Variants in PCDHGA5 observed in about 807,000 individuals in gnomAD.
PCDHGA5 encodes the protein protocadherin gamma-A5.
PCDHGA5 carries 36 observed loss-of-function variants against 56.7 expected under a neutral mutation model. That is an observed-to-expected ratio of 0.64 (90% CI 0.49 to 0.84). The LOEUF (loss-of-function observed/expected upper bound fraction) is 0.84. Ranked by LOEUF, PCDHGA5 falls within the 40% of genes least tolerant of loss-of-function variation. The pLI, the probability that PCDHGA5 is intolerant of heterozygous loss-of-function variation, is 0.00. For missense variants in PCDHGA5, 1,305 were observed against 1,201.5 expected (o/e 1.09, Z -1.27); for synonymous variants, 563 against 520.2 (o/e 1.08, Z -1.12).
chr5:141,476,699 G>C lies in PCDHGA5; in HGVS notation c.2422-18108G>C. 1 of 1,614,222 alleles carries C rather than the reference G, an allele frequency of 6.2e-7. No individual in the cohort carries two copies. The highest frequency in any genetic ancestry group is 8.5e-7 in the Non-Finnish European group (1 of 1,180,042). ...GCGGGAGGACAGCACCAAGTACGCG[G>C]AGCTGGTGTTGGAGCGCGCCCTGGA... is the stretch of plus-strand genomic sequence containing the variant. On this transcript the variant is annotated intron_variant, in intron 1 of 3. Transcript: ENST00000518069. The surrounding 1 kb of genome is among the most constrained non-coding windows in gnomAD (Gnocchi z 7.6).
intron 1 of PCDHGA5, among the ~76,000 whole-genome samples, chr5:141,463,024 A>G (rs2099051235): frequency 6.6e-6 from 1 of 152,070 alleles, no homozygotes; most frequent in South Asian, 2.1e-4. Context: ...GACTTTTTTG[A>G]TTAATCTGAG....
At chr5:141,456,044 C>T (rs1307913066) in intron 1 of PCDHGA5, among the ~76,000 whole-genome samples, 2 of 151,826 alleles carry the variant, frequency 1.3e-5, no homozygotes, top group African/African-American at 2.4e-5. Context: ...ACTACAGGCG[C>T]CCACCACCAC....
At chr5:141,371,163 G>T (rs79773129) in intron 1 of PCDHGA5, 6 of 1,613,984 alleles carry the variant, frequency 3.7e-6, no homozygotes, top group Non-Finnish European at 5.1e-6. Flanking sequence ...GAACCTGCCC[G>T]CTGGCTCCTC....
At chr5:141,408,378 TG>T (rs780092463) in intron 1 of PCDHGA5, 2 of 1,614,002 alleles carry the variant, frequency 1.2e-6, no homozygotes, top group Admixed American at 1.7e-5. Flanking sequence ...CTCAGTGTCC[TG>T]GATGTGTCGG....
Position 141,489,714 on chromosome 5 carries a change from G to C in PCDHGA5, c.2422-5093G>C, listed in dbSNP as rs770143357. On this transcript the variant is annotated intron_variant, in intron 1 of 3. Coordinates refer to ENST00000518069, the MANE Select transcript of PCDHGA5 (RefSeq NM_018918.3). The surrounding 1 kb of genome is among the most constrained non-coding windows in gnomAD (Gnocchi z 4.5). Reference sequence around the variant, plus strand: ...CACGATTCCCACTGGACAGTGCCCAGGATCCGGATGTGGGCACCAATACTG... The same window carrying C: ...CACGATTCCCACTGGACAGTGCCCACGATCCGGATGTGGGCACCAATACTG... 7.4e-6 allele frequency: 12 copies of C among 1,613,958 alleles called. No individual in the cohort carries two copies. The highest frequency in any genetic ancestry group is 1.0e-5 in the Non-Finnish European group (12 of 1,179,930).
At chr5:141,390,353 T>C (rs2092125983) in intron 1 of PCDHGA5, 3 of 1,554,516 alleles carry the variant, frequency 1.9e-6, no homozygotes, top group African/African-American at 2.8e-5. Flanking sequence ...AAAATATACA[T>C]ATTTGCAGGA....
intron 1 of PCDHGA5, among the ~76,000 whole-genome samples, chr5:141,467,075 C>A (rs2099136382): frequency 6.9e-6 from 1 of 145,470 alleles, no homozygotes; most frequent in Non-Finnish European, 1.5e-5. Flanking sequence ...TTTTTTTAGA[C>A]CAAGTCTCAC....
intron 1 of PCDHGA5, among the ~76,000 whole-genome samples, chr5:141,437,457 T>C (rs527469937): frequency 7.2e-5 from 11 of 152,358 alleles, no homozygotes; most frequent in Non-Finnish European, 1.5e-4. Flanking sequence ...GAGGAGACTA[T>C]ACTATACTTT....
intron 1 of PCDHGA5, chr5:141,417,918 T>C (rs1371704441): frequency 1.2e-6 from 2 of 1,605,528 alleles, no homozygotes; most frequent in Non-Finnish European, 8.5e-7. Context: ...CTATTTCCTT[T>C]GCTGCTGCCT....
At position 141,409,100 on chromosome 5, in the gene PCDHGA5, A is replaced by G. The variant is rs1341878280; in HGVS notation, c.2421+42349A>G. ...GTTCTCATTGGATGAGAAAACAGGT[A>G]TGATTAAGAATAACCAGTCATTTGA... is the stretch of plus-strand genomic sequence containing the variant. On this transcript the variant is annotated intron_variant, in intron 1 of 3. Transcript: ENST00000518069. The G allele has an allele frequency of 6.8e-6, 11 of 1,613,934 alleles. No homozygotes were observed. In the Admixed American group the frequency reaches 1.0e-4, roughly 15 times the overall value.
chr5:141,414,357 A>G, intron 1 of PCDHGA5: 3 of 1,613,888 alleles, frequency 1.9e-6, no homozygotes, highest in Non-Finnish European at 2.5e-6. Flanking sequence ...TGGCGTATCT[A>G]CCATTTAAAT....
chr5:141,472,750 C>T (rs967243815), intron 1 of PCDHGA5, among the ~76,000 whole-genome samples: 3 of 151,882 alleles, frequency 2.0e-5, no homozygotes, highest in Non-Finnish European at 2.9e-5. Context: ...CTTTGGGAGG[C>T]GGAGGCTGGC....
At chr5:141,452,887 C>T (rs1000136303) in intron 1 of PCDHGA5, among the ~76,000 whole-genome samples, 1 of 152,174 alleles carries the variant, frequency 6.6e-6, no homozygotes, top group Non-Finnish European at 1.5e-5. Flanking sequence ...ATAATTTATT[C>T]CACTTTTATT....
Position 141,432,072 on chromosome 5 carries a change from T to C in PCDHGA5, c.2422-62735T>C, listed in dbSNP as rs1236871982. The C allele has an allele frequency of 6.2e-7, 1 of 1,614,178 alleles. No homozygotes were observed. The highest frequency in any genetic ancestry group is 8.5e-7 in the Non-Finnish European group (1 of 1,180,032). On this transcript the variant is annotated intron_variant, in intron 1 of 3. Coordinates refer to ENST00000518069, the MANE Select transcript of PCDHGA5 (RefSeq NM_018918.3). This position sits in a 1 kb window ranked among gnomAD's most constrained non-coding sequence, Gnocchi z 6.0. ...CCGCCCCTATCCACGGAAACTCATA[T>C]CTCGCTGAACGTGGCAGACACCAAC...
At chr5:141,455,292 G>A (rs2098818902) in intron 1 of PCDHGA5, among the ~76,000 whole-genome samples, 1 of 152,068 alleles carries the variant, frequency 6.6e-6, no homozygotes, top group East Asian at 1.9e-4. Context: ...ACTTTACATA[G>A]TTTCATCTTG....
At position 141,491,121 on chromosome 5, in the gene PCDHGA5, G is replaced by T. The variant is rs1176877834; in HGVS notation, c.2422-3686G>T. On this transcript the variant is annotated intron_variant, in intron 1 of 3. Transcript: ENST00000518069. The surrounding 1 kb of genome is among the most constrained non-coding windows in gnomAD (Gnocchi z 6.9). ...TCCTCGTGTCTACACACACTGGTGA[G>T]GTGCGCACAGCCCGGGCCTTACTGG... 5 of 1,614,200 alleles carry T rather than the reference G, an allele frequency of 3.1e-6. No individual in the cohort carries two copies. In the South Asian group the frequency reaches 5.5e-5, roughly 18 times the overall value.
chr5:141,483,456 G>T (rs2099581503), intron 1 of PCDHGA5, among the ~76,000 whole-genome samples: 1 of 152,180 alleles, frequency 6.6e-6, no homozygotes, highest in Admixed American at 6.5e-5. Context: ...ATCAGGACTT[G>T]TTGATTGACA....
rs1001089000 is a variant in PCDHGA5, at chr5:141,370,469, A to T, written c.2421+3718A>T. The T allele has an allele frequency of 4.3e-6, 7 of 1,613,198 alleles. No homozygotes were observed. The African/African-American group carries it at 9.3e-5, about 22-fold the overall frequency. Reference sequence around the variant, plus strand: ...TATTTCTCTTCCTGCTCTCTTTGTTAGACCAGGCTCTCTCCGAACCGATCC... The same window carrying T: ...TATTTCTCTTCCTGCTCTCTTTGTTTGACCAGGCTCTCTCCGAACCGATCC... On this transcript the variant is annotated intron_variant, in intron 1 of 3. Transcript: ENST00000518069.
chr5:141,392,488 T>G, intron 1 of PCDHGA5: 1 of 203,312 alleles, frequency 4.9e-6, no homozygotes, highest in Non-Finnish European at 9.8e-6. Flanking sequence ...AACAAAGTAA[T>G]AAGCAAATGA....
Sources: gnomAD v4.1 joint callset for allele counts (sites outside exome capture counted in the v4.1 genomes callset) on GRCh38, gnomAD v4.1.1 for gene constraint, Gnocchi (gnomAD v3.1) non-coding constraint, MANE v1.5 for transcripts, NCBI Gene and HGNC (gene_info 2026-07-23, HGNC 2026-07-21) for gene names.